CROCC: variants seen among roughly 807,000 people sequenced by gnomAD.
The protein encoded by CROCC is rootletin.
A neutral mutation model predicts 245.2 loss-of-function variants in CROCC; 180 were observed. The observed-to-expected ratio is 0.73, with a 90% CI of 0.65 to 0.83. The LOEUF (loss-of-function observed/expected upper bound fraction) is 0.83, where lower values mean the gene tolerates loss of function less well. CROCC is among the 40% of genes least tolerant of loss of function. The probability of loss-of-function intolerance (pLI) is 0.00; values close to 1 mark genes in which losing one functional copy is unlikely to be tolerated. For synonymous variants in CROCC, 1,205 were observed against 1,241.6 expected (o/e 0.97, Z 0.62); for missense variants, 2,688 against 2,779.4 (o/e 0.97, Z 0.74).
intron 25 of CROCC, 57 bp from the exon 26 acceptor site, chr1:16,958,526 G>A (rs2076281696): frequency 6.5e-7 from 1 of 1,543,422 alleles, no homozygotes; most frequent in Non-Finnish European, 8.7e-7. Flanking sequence ...CCTTGGGCCA[G>A]AACTGGGAGG....
At chr1:16,922,507 T>C (rs1225998064) in intron 1 of CROCC, among the ~76,000 whole-genome samples, 156 bp from the exon 2 acceptor site, 3 of 152,256 alleles carry the variant, frequency 2.0e-5, no homozygotes, top group Non-Finnish European at 4.4e-5. Flanking sequence ...GCTCTTTGCA[T>C]GGGGATTTTT....
chr1:16,948,651 G>T (rs2076104490), intron 18 of CROCC, 127 bp downstream of exon 18: 12 of 1,508,468 alleles, frequency 8.0e-6, no homozygotes, highest in Non-Finnish European at 1.1e-5. Context: ...ACTCGTCCTA[G>T]CTGTGGCTCA....
chr1:16,954,796 T>C lies in CROCC; in HGVS notation c.3384T>C (p.Ala1128=). Residue 1128 remains alanine (A), a synonymous_variant, in exon 23 of 37, where the codon GCT becomes GCC. Transcript: ENST00000375541. This position sits in a 1 kb window ranked among gnomAD's most constrained non-coding sequence, Gnocchi z 4.4. ...RDLRAQREEA[A]AAHAQEVRRL... ...TACGGGCCCAGCGGGAGGAGGCTGC[T>C]GCGGCCCACGCCCAGGAGGTGAGGA... 6.4e-7 allele frequency: 1 copy of C among 1,553,056 alleles called. No homozygotes were observed. Among genetic ancestry groups the C allele is most frequent in the Non-Finnish European group, 8.7e-7 (1 of 1,148,534 alleles).
chr1:16,958,809 G>T, intron 26 of CROCC, 59 bp downstream of exon 26: 1 of 1,524,802 alleles, frequency 6.6e-7, no homozygotes, highest in Admixed American at 2.0e-5. Flanking sequence ...GAAGCAGGTG[G>T]GCACCCCAAT....
chr1:16,955,483 G>A lies in CROCC; in HGVS notation c.3637G>A (p.Glu1213Lys), dbSNP rs1234135844. The change falls in exon 24 of 37, where the codon GAG becomes AAG. Residue 1213 changes from glutamate to lysine, a missense_variant. This residue lies in a region of CROCC where 1,218 missense variants were observed against 1,286.3 expected (regional missense o/e 0.95). Coordinates refer to ENST00000375541, the MANE Select transcript of CROCC (RefSeq NM_014675.5). The part of the protein sequence containing the change: ...RSLGEGAKER[E>K]ALRRSNEELR... Reference sequence around the variant, plus strand: ...CCTGGGCGAGGGTGCCAAGGAGCGCGAGGCCCTGCGGCGTTCCAATGAGGA... The same window carrying A: ...CCTGGGCGAGGGTGCCAAGGAGCGCAAGGCCCTGCGGCGTTCCAATGAGGA... 17 of 1,584,384 alleles carry A rather than the reference G, an allele frequency of 1.1e-5. No homozygotes were observed. The highest frequency in any genetic ancestry group is 1.4e-5 in the Non-Finnish European group (16 of 1,168,958).
In CROCC at chr1:16,944,264, G is replaced by A. The variant is rs771887811; in HGVS notation, c.1973G>A (p.Arg658His). ...EDAVQDGARV[R>H]RELERSHRQL... ...GCAGTGCAGGATGGCGCGCGGGTGCGCCGGGAGCTTGAGCGCAGGTGAGCA... is the reference window on the plus strand; with the variant it reads ...GCAGTGCAGGATGGCGCGCGGGTGCACCGGGAGCTTGAGCGCAGGTGAGCA... Residue 658 changes from arginine (R) to histidine (H), a missense_variant, in exon 14 of 37, where the codon CGC (arginine) becomes CAC (histidine). By Grantham distance (29) the Arg-to-His change is conservative. Transcript: ENST00000375541. 24 of 1,543,130 alleles carry A rather than the reference G, an allele frequency of 1.6e-5. No individual in the cohort carries two copies. The highest frequency in any genetic ancestry group is 5.9e-5 in the Admixed American group (3 of 50,658).
Position 16,970,155 on chromosome 1 carries a change from C to T in CROCC, c.5452-98C>T, listed in dbSNP as rs2076490491. The T allele has an allele frequency of 3.9e-6, 5 of 1,298,462 alleles. No homozygotes were observed. In the South Asian group the frequency reaches 6.1e-5, roughly 16 times the overall value. The allele number at this position is 1,298,462 out of a possible 1,614,324, so 80.4% of individuals were successfully genotyped here. On this transcript the variant is annotated intron_variant, in intron 33 of 36. Coordinates refer to ENST00000375541, the MANE Select transcript of CROCC (RefSeq NM_014675.5). Reference sequence around the variant, plus strand: ...AATTCTCTGATGTGGGCCTCACCGTCGCCTGCTCTGTGAGTGGGCCAGCCT... The same window carrying T: ...AATTCTCTGATGTGGGCCTCACCGTTGCCTGCTCTGTGAGTGGGCCAGCCT...
chr1:16,972,042 G>A (rs1343051655), intron 36 of CROCC, among the ~76,000 whole-genome samples: 3 of 152,198 alleles, frequency 2.0e-5, no homozygotes, highest in Admixed American at 6.5e-5. Flanking sequence ...CAGCCTTGTC[G>A]GCCGGGCAAG....
chr1:16,922,577 G>A (rs2075431896), intron 1 of CROCC, 86 bp from the exon 2 acceptor site: 7 of 1,501,150 alleles, frequency 4.7e-6, no homozygotes, highest in South Asian at 1.4e-5. Flanking sequence ...CCTGTATCTT[G>A]GGCAGTAGGA....
In CROCC at chr1:16,971,500, G is replaced by A. The variant is rs373612854; in HGVS notation, c.5820G>A (p.Pro1940=). The change falls in exon 36 of 37, where the codon CCG becomes CCA. Residue 1940 remains proline, a synonymous_variant. Coordinates refer to ENST00000375541, the MANE Select transcript of CROCC (RefSeq NM_014675.5). ...QVVVLEQSHS[P]AQLEVDAQQQ... ...TGGTGCTGGAGCAGAGCCACAGCCC[G>A]GCCCAGCTGGAGGTGGATGCGCAGC... The A allele has an allele frequency of 5.3e-5, 82 of 1,536,928 alleles. No individual in the cohort carries two copies. In the East Asian group the frequency reaches 8.1e-4, roughly 15 times the overall value.
chr1:16,936,741 A>C lies in CROCC; in HGVS notation c.1061A>C (p.Glu354Ala). ...CTACGGCTGGCAGAGAGCCGGGCCG[A>C]GGCAGCCCTGGAGAAACAGGCCCTG... ...TGLRLAESRA[E>A]AALEKQALLQ... is the part of the protein sequence containing the mutation. Residue 354 changes from glutamate (E) to alanine (A), a missense_variant, in exon 9 of 37, where the codon GAG becomes GCG. Around this residue, in one of 9 missense-constraint regions of CROCC, gnomAD observed 972 missense variants for 895.3 expected, o/e 1.09. Coordinates refer to ENST00000375541, the MANE Select transcript of CROCC (RefSeq NM_014675.5). The C allele has an allele frequency of 6.2e-7, 1 of 1,610,050 alleles. No individual in the cohort carries two copies. The highest frequency in any genetic ancestry group is 8.5e-7 in the Non-Finnish European group (1 of 1,179,036).
chr1:16,953,395 G>A lies in CROCC; in HGVS notation c.3100G>A (p.Glu1034Lys), dbSNP rs771721294. ...QEELLARLEA[E>K]KEELSEEIAA... Reference sequence around the variant, plus strand: ...GGAGCTGCTGGCCCGGCTGGAGGCTGAGAAGGAAGAGCTGAGTGAGGAGAT... The same window carrying A: ...GGAGCTGCTGGCCCGGCTGGAGGCTAAGAAGGAAGAGCTGAGTGAGGAGAT... Residue 1034 changes from glutamate (E) to lysine (K), a missense_variant, in exon 21 of 37, where the codon GAG becomes AAG. By Grantham distance (56) the Glu-to-Lys change is moderately conservative. Transcript: ENST00000375541. 2.6e-5 allele frequency: 42 copies of A among 1,610,778 alleles called. No individual in the cohort carries two copies. In the East Asian group the frequency reaches 9.1e-4, roughly 35 times the overall value.
chr1:16,927,854 T>A lies in CROCC; in HGVS notation c.352-1992T>A, dbSNP rs557399843. Among the ~76,000 whole-genome samples, 90 of 152,396 alleles carry A rather than the reference T, an allele frequency of 5.9e-4. 1 individual carries two copies. In the South Asian group the frequency reaches 0.017, roughly 28 times the overall value. On this transcript the variant is annotated intron_variant, in intron 3 of 36. Transcript: ENST00000375541. Reference sequence around the variant, plus strand: ...CTACTTCCACCTCCCCTGCACAGCCTTGGACTGTGTTCCTCCAGACTCAGG... The same window carrying A: ...CTACTTCCACCTCCCCTGCACAGCCATGGACTGTGTTCCTCCAGACTCAGG...
chr1:16,943,053 ACCAACATGGAGAAAC>A (rs2075966081), intron 13 of CROCC, among the ~76,000 whole-genome samples: 1 of 151,358 alleles, frequency 6.6e-6, no homozygotes, highest in Admixed American at 6.6e-5. Context: ...GACCAGCCTG[ACCAACATGGAGAAAC>A]CCTGTCTCTA....
chr1:16,956,234 G>A (rs368658263), intron 25 of CROCC, 78 bp downstream of exon 25: 30 of 1,392,608 alleles, frequency 2.2e-5, no homozygotes, highest in Admixed American at 5.5e-5. Flanking sequence ...CTGGAATTAC[G>A]TTTCTACCCC....
chr1:16,961,378 G>C (rs908670710), intron 27 of CROCC, among the ~76,000 whole-genome samples: 1 of 151,694 alleles, frequency 6.6e-6, no homozygotes, highest in Admixed American at 6.6e-5. Context: ...GGCTCAAGTG[G>C]TCCTCCCTCC....
At position 16,968,432 on chromosome 1, in the gene CROCC, C is replaced by A; in HGVS notation, c.5076+14C>A. The A allele has an allele frequency of 6.8e-7, 1 of 1,466,068 alleles. No homozygotes were observed. The allele number at this position is 1,466,068 out of a possible 1,614,324, so 90.8% of individuals were successfully genotyped here. On this transcript the variant is annotated intron_variant, in intron 31 of 36. Transcript: ENST00000375541. Reference sequence around the variant, plus strand: ...CTGCAGAGACAGGTGGGCCCCTCCCCAAATCACAGCCACAGTGTTCACATG... The same window carrying A: ...CTGCAGAGACAGGTGGGCCCCTCCCAAAATCACAGCCACAGTGTTCACATG...
At chr1:16,949,184 C>G (rs1469913410) in intron 19 of CROCC, among the ~76,000 whole-genome samples, 1 of 152,280 alleles carries the variant, frequency 6.6e-6, no homozygotes, top group East Asian at 1.9e-4. Context: ...GTGGGAAAAG[C>G]GTGTAAGGCC....
chr1:16,948,244 A>G, intron 17 of CROCC, 87 bp from the exon 18 acceptor site: 1 of 1,447,362 alleles, frequency 6.9e-7, no homozygotes, highest in African/African-American at 1.4e-5. Context: ...TTCTGCCAGG[A>G]CTGGGTTAGG....
Sources: allele counts gnomAD v4.1 joint callset (sites outside exome capture counted in the v4.1 genomes callset), GRCh38; gene constraint gnomAD v4.1.1; regional missense constraint gnomAD v4.1.1; non-coding constraint Gnocchi (gnomAD v3.1); transcripts MANE v1.5; gene names NCBI Gene and HGNC (gene_info 2026-07-23, HGNC 2026-07-21).